Variants in GANC observed in about 807,000 individuals in gnomAD.
GANC encodes neutral alpha-glucosidase C.
Under a neutral mutation model 124.2 loss-of-function variants are expected in GANC, and 117 were observed. The observed-to-expected ratio is 0.94, with a 90% confidence interval of 0.81 to 1.10. The LOEUF is 1.10. Among genes scored for constraint, GANC ranks in the 50% least tolerant of loss-of-function variants. GANC has a pLI of 0.00. For synonymous variants in GANC, 377 were observed against 376.8 expected (o/e 1.00, Z -0.01); for missense variants, 1,140 against 1,095.0 (o/e 1.04, Z -0.58).
At chr15:42,342,286 C>T (rs2052333691) in intron 18 of GANC, among the ~76,000 whole-genome samples, 1 of 152,088 alleles carries the variant, frequency 6.6e-6, no homozygotes, top group Admixed American at 6.6e-5. Flanking sequence ...TCCAGATTGC[C>T]TTTAAGAAAA....
rs60220273 is a variant in GANC at position 42,295,639 on chromosome 15, GACACACACACACAC to G, written c.513-1936_513-1923del. ...CAAGAAGAAAAAAAGCTTTATTATA[GACACACACACACAC>G]ACACACACACACACACACACACACA... On this transcript the variant is annotated intron_variant, in intron 5 of 23. Transcript: ENST00000318010. Among the ~76,000 whole-genome samples, 485 of 137,708 alleles carry G rather than the reference GACACACACACACAC, an allele frequency of 3.5e-3. 7 individuals carry two copies. In the South Asian group the frequency reaches 0.036, roughly 10 times the overall value. The allele number at this position is 137,708 out of a possible 152,430, so 90.3% of individuals were successfully genotyped here. A position where few individuals can be genotyped will look rare whatever the true frequency, so the allele number is the denominator to read the frequency against.
chr15:42,296,449 C>A (rs1177352209), intron 5 of GANC, among the ~76,000 whole-genome samples: 6 of 151,992 alleles, frequency 3.9e-5, no homozygotes, highest in African/African-American at 1.5e-4. Flanking sequence ...TGCAGTGGTG[C>A]GATCTCAGCT....
At chr15:42,279,355 T>C (rs918378965) in intron 3 of GANC, among the ~76,000 whole-genome samples, 10 of 152,180 alleles carry the variant, frequency 6.6e-5, no homozygotes, top group Non-Finnish European at 1.5e-4. Context: ...ATTCAGGGTA[T>C]GTCCAAATCT....
chr15:42,315,011 A>T (rs1211216725), intron 10 of GANC, among the ~76,000 whole-genome samples: 6 of 152,178 alleles, frequency 3.9e-5, no homozygotes, highest in Non-Finnish European at 8.8e-5. Context: ...TCAACCTCCA[A>T]CTATTAGGTA....
rs147867002 is a variant in GANC, at chr15:42,330,607, G to C, written c.1676G>C (p.Arg559Pro). ...GCTACTGCAGAAGGACTGATAAAAC[G>C]ATCTAAAGGGAAGGAGAGACCCTTT... is the stretch of plus-strand genomic sequence containing the variant. ...QMATAEGLIK[R>P]SKGKERPFVL... Residue 559 changes from arginine (R) to proline (P), a missense_variant, in exon 15 of 24, where the codon CGA becomes CCA. By Grantham distance (103) the Arg-to-Pro change is moderately radical (BLOSUM62 -2). Transcript: ENST00000318010. 54 of 1,611,000 alleles carry C rather than the reference G, an allele frequency of 3.4e-5. No individual in the cohort carries two copies. The highest frequency in any genetic ancestry group is 5.1e-5 in the Admixed American group (3 of 59,230).
intron 15 of GANC, among the ~76,000 whole-genome samples, chr15:42,331,040 C>A (rs1335979228): frequency 1.3e-5 from 2 of 152,226 alleles, no homozygotes; most frequent in Middle Eastern, 3.4e-3. Context: ...CTCAAGCGAT[C>A]TGCCCACCTT....
intron 6 of GANC, among the ~76,000 whole-genome samples, chr15:42,304,898 T>C (rs771800008): frequency 3.3e-5 from 5 of 152,246 alleles, no homozygotes; most frequent in Non-Finnish European, 5.9e-5. Flanking sequence ...GGGAAAACTG[T>C]CTAGCCATGT....
Position 42,353,472 on chromosome 15 carries a change from A to G in GANC, c.*1333A>G. 1 of 928,552 alleles carries G rather than the reference A, an allele frequency of 1.1e-6. No homozygotes were observed. The highest frequency in any genetic ancestry group is 1.3e-6 in the Non-Finnish European group (1 of 778,442). 57.5% of individuals were successfully genotyped at this position (928,552 alleles called of 1,614,324 possible). ...GCTGTCCCACTTATAACTGTGCTCT[A>G]CTTAGCATTCTCAGGGATCATACCT... is the stretch of plus-strand genomic sequence containing the variant. On this transcript the variant is annotated 3_prime_UTR_variant, in exon 24 of 24. Coordinates refer to ENST00000318010, the MANE Select transcript of GANC (RefSeq NM_198141.3).
At chr15:42,345,182 T>TA (rs1169372219) in intron 19 of GANC, among the ~76,000 whole-genome samples, 5 of 151,040 alleles carry the variant, frequency 3.3e-5, no homozygotes, top group Non-Finnish European at 7.4e-5. Context: ...CCTTGATAGA[T>TA]AACAACCTTA....
intron 15 of GANC, among the ~76,000 whole-genome samples, chr15:42,335,119 A>G (rs2052274322): frequency 6.6e-6 from 1 of 152,214 alleles, no homozygotes; most frequent in African/African-American, 2.4e-5. Context: ...TCATTCTATA[A>G]TGCCAGCATC....
At chr15:42,327,338 G>T in intron 12 of GANC, 25 bp from the exon 13 acceptor site, 2 of 1,565,908 alleles carry the variant, frequency 1.3e-6, no homozygotes, top group Non-Finnish European at 1.8e-6. Flanking sequence ...TTCTTGACAG[G>T]CTATCTACTG....
At chr15:42,313,347 G>A (rs1260960452) in intron 10 of GANC, among the ~76,000 whole-genome samples, 1 of 152,132 alleles carries the variant, frequency 6.6e-6, no homozygotes, top group Non-Finnish European at 1.5e-5. Context: ...TCTTAGATAT[G>A]ACAACAAAAT....
Position 42,321,931 on chromosome 15 carries a change from A to G in GANC, c.1204A>G (p.Thr402Ala), listed in dbSNP as rs749319148. 6.2e-7 allele frequency: 1 copy of G among 1,614,202 alleles called. No individual in the cohort carries two copies. The highest frequency in any genetic ancestry group is 2.2e-5 in the East Asian group (1 of 44,866). Residue 402 changes from threonine (T) to alanine (A), a missense_variant, in exon 11 of 24, where the codon ACT (threonine) becomes GCT (alanine). Thr to Ala is a moderately conservative substitution (Grantham distance 58). Coordinates refer to ENST00000318010, the MANE Select transcript of GANC (RefSeq NM_198141.3). ...TGCCATGTGGCTGGACATAGAGCACACTGAGGGCAAGAGGTACTTCACCTG... is the reference window on the plus strand; with the variant it reads ...TGCCATGTGGCTGGACATAGAGCACGCTGAGGGCAAGAGGTACTTCACCTG... ...YDAMWLDIEH[T>A]EGKRYFTWDK...
chr15:42,310,336 A>G lies in GANC; in HGVS notation c.776A>G (p.Tyr259Cys), dbSNP rs377313719. 1.2e-5 allele frequency: 19 copies of G among 1,613,362 alleles called. No homozygotes were observed. The highest frequency in any genetic ancestry group is 3.3e-5 in the Admixed American group (2 of 60,000). ...YNLDVYGYQI[Y>C]DKMGIYGSVP... The stretch of plus-strand genomic sequence containing the variant: ...CTGGATGTCTATGGATACCAAATAT[A>G]TGATAAAATGGGCATTTATGGTTCA... The change falls in exon 9 of 24, where the codon TAT becomes TGT. Residue 259 changes from tyrosine (Y) to cysteine (C), a missense_variant. Coordinates refer to ENST00000318010, the MANE Select transcript of GANC (RefSeq NM_198141.3).
At chr15:42,287,452 G>T (rs567987945) in intron 3 of GANC, among the ~76,000 whole-genome samples, 1 of 152,112 alleles carries the variant, frequency 6.6e-6, no homozygotes, top group Non-Finnish European at 1.5e-5. Flanking sequence ...ATCCTGGTTT[G>T]ACAATTTTAT....
intron 4 of GANC, among the ~76,000 whole-genome samples, chr15:42,291,539 C>T (rs568677355): frequency 4.6e-5 from 7 of 152,286 alleles, no homozygotes; most frequent in Non-Finnish European, 1.0e-4. Flanking sequence ...CACTGAGAAA[C>T]TGATGAGGGA....
At position 42,326,387 on chromosome 15, in the gene GANC, T is replaced by C. The variant is rs764543663; in HGVS notation, c.1383T>C (p.Asn461=). The change falls in exon 12 of 24, where the codon AAT becomes AAC. Residue 461 remains asparagine, a synonymous_variant. Transcript: ENST00000318010. Reference sequence around the variant, plus strand: ...AAGATCAGGGCTTCTTTGTGAAGAATCAGGAAGGGGAAGACTTTGAAGGGG... The same window carrying C: ...AAGATCAGGGCTTCTTTGTGAAGAACCAGGAAGGGGAAGACTTTGAAGGGG... ...KAKDQGFFVK[N]QEGEDFEGVC... 31 of 1,614,094 alleles carry C rather than the reference T, an allele frequency of 1.9e-5. 1 individual carries two copies. The South Asian group carries it at 3.3e-4, about 17-fold the overall frequency.
chr15:42,308,515 G>T (rs1212340037), intron 8 of GANC, among the ~76,000 whole-genome samples, 197 bp downstream of exon 8: 2 of 152,056 alleles, frequency 1.3e-5, no homozygotes, highest in East Asian at 1.9e-4. Context: ...ACAGAGTCTT[G>T]CTCTGTCGCC....
chr15:42,308,572 C>G (rs1041407235), intron 8 of GANC, among the ~76,000 whole-genome samples: 2 of 152,174 alleles, frequency 1.3e-5, no homozygotes, highest in Non-Finnish European at 2.9e-5. Context: ...CAAGCTCCAC[C>G]TCCAGAGTTC....
Sources: gnomAD v4.1 joint callset for allele counts (sites outside exome capture counted in the v4.1 genomes callset) on GRCh38, gnomAD v4.1.1 for gene constraint, MANE v1.5 for transcripts, NCBI Gene and HGNC (gene_info 2026-07-23, HGNC 2026-07-21) for gene names.